Variants in SGTB observed in about 807,000 individuals in gnomAD.
The protein encoded by SGTB is small glutamine-rich tetratricopeptide repeat-containing protein beta.
A neutral mutation model predicts 43.9 loss-of-function variants in SGTB; 19 were observed. The observed-to-expected ratio is 0.43, with a 90% CI of 0.30 to 0.63. The LOEUF is 0.63. SGTB is among the 30% of genes least tolerant of loss of function. The probability of loss-of-function intolerance (pLI) is 0.12; values close to 1 mark genes in which losing one functional copy is unlikely to be tolerated. For missense variants in SGTB, 304 were observed against 358.9 expected, an observed-to-expected ratio of 0.85 and a Z score of 1.24; for synonymous variants, 116 against 117.3, an observed-to-expected ratio of 0.99 and a Z score of 0.07.
chr5:65,709,915 T>C (rs925677513), intron 3 of SGTB, among the ~76,000 whole-genome samples: 1 of 152,230 alleles, frequency 6.6e-6, no homozygotes, highest in Non-Finnish European at 1.5e-5. Flanking sequence ...TACTGTAGTA[T>C]ATATCCATCA....
chr5:65,689,839 C>A (rs1057452591), intron 5 of SGTB, among the ~76,000 whole-genome samples: 1 of 151,990 alleles, frequency 6.6e-6, no homozygotes, highest in Non-Finnish European at 1.5e-5. Context: ...GAGGCCCTTA[C>A]TTTTCAGACT....
In SGTB at chr5:65,669,902, A is replaced by G. The variant is rs1206876243; in HGVS notation, c.*344T>C. On this transcript the variant is annotated 3_prime_UTR_variant, in exon 11 of 11. Coordinates refer to ENST00000381007, the MANE Select transcript of SGTB (RefSeq NM_019072.3). ...ATTGGAGCTAAAGAGCTTACCAACA[A>G]ATAGCCCTACTAGAGTTCAATAAAT... The G allele has an allele frequency of 5.9e-6, 1 of 170,078 alleles. No individual in the cohort carries two copies. Among genetic ancestry groups the G allele is most frequent in the East Asian group, 1.6e-4 (1 of 6,350 alleles). 10.5% of individuals were successfully genotyped at this position (170,078 alleles called of 1,614,324 possible). A position where few individuals can be genotyped will look rare whatever the true frequency, so the allele number is the denominator to read the frequency against.
intron 4 of SGTB, among the ~76,000 whole-genome samples, chr5:65,707,355 A>G (rs954061015): frequency 1.1e-4 from 17 of 149,788 alleles, no homozygotes; most frequent in African/African-American, 3.9e-4. Flanking sequence ...GAACAGTATA[A>G]TTGTTTCATA....
chr5:65,714,764 G>C (rs1049840558), intron 2 of SGTB, among the ~76,000 whole-genome samples: 1 of 152,156 alleles, frequency 6.6e-6, no homozygotes, highest in African/African-American at 2.4e-5. Context: ...GCAGTGAGCC[G>C]AGATCACCCC....
intron 8 of SGTB, among the ~76,000 whole-genome samples, chr5:65,673,595 A>G (rs1394411072): frequency 6.6e-6 from 1 of 152,064 alleles, no homozygotes; most frequent in Non-Finnish European, 1.5e-5. Context: ...TGGTCCATGG[A>G]AAAACTGTCT....
chr5:65,707,036 G>A (rs960410029), intron 4 of SGTB, among the ~76,000 whole-genome samples: 14 of 151,696 alleles, frequency 9.2e-5, no homozygotes, highest in African/African-American at 3.4e-4. Flanking sequence ...TGAGGTGGGC[G>A]GATCACATGA....
At chr5:65,685,802 T>C (rs1757486054) in intron 5 of SGTB, among the ~76,000 whole-genome samples, 1 of 152,216 alleles carries the variant, frequency 6.6e-6, no homozygotes, top group Non-Finnish European at 1.5e-5. Context: ...TCTTGGCTAC[T>C]ATGGAGGCAC....
At chr5:65,709,779 T>G (rs746177700) in intron 3 of SGTB, among the ~76,000 whole-genome samples, 2 of 152,164 alleles carry the variant, frequency 1.3e-5, no homozygotes, top group Non-Finnish European at 2.9e-5. Flanking sequence ...TTTTTTATAT[T>G]GTATAGAGAC....
chr5:65,715,145 T>A (rs955238691), intron 2 of SGTB, among the ~76,000 whole-genome samples: 5 of 152,216 alleles, frequency 3.3e-5, no homozygotes, highest in Admixed American at 1.3e-4. Flanking sequence ...TAATTTAACT[T>A]ACATTTACCT....
intron 3 of SGTB, among the ~76,000 whole-genome samples, chr5:65,711,866 C>G (rs1020065159): frequency 2.0e-5 from 3 of 152,158 alleles, no homozygotes; most frequent in South Asian, 2.1e-4. Context: ...TATGTTTCAG[C>G]TTCACTCCAG....
At chr5:65,672,343 AT>A (rs5868414) in intron 8 of SGTB, 62 bp from the exon 9 acceptor site, 993,010 of 1,532,460 alleles carry the variant, frequency 0.65, 315,861 homozygotes, top group African/African-American at 0.7. Context: ...CTTAGCAAAG[AT>A]TTTTTTTTTA....
At chr5:65,683,451 A>G (rs1440852671) in intron 6 of SGTB, among the ~76,000 whole-genome samples, 1 of 152,198 alleles carries the variant, frequency 6.6e-6, no homozygotes, top group Non-Finnish European at 1.5e-5. Flanking sequence ...AATGAGTATC[A>G]ACTGTAGATG....
At chr5:65,722,647 C>A, upstream of SGTB, 1 of 520,564 alleles carries the variant, frequency 1.9e-6, no homozygotes. Context: ...TTGTTTGGGA[C>A]TGCCTCAGCC....
At chr5:65,670,379 G>A (rs767932887) in intron 10 of SGTB, 22 bp from the exon 11 acceptor site, 3 of 1,589,028 alleles carry the variant, frequency 1.9e-6, no homozygotes, top group Non-Finnish European at 2.6e-6. Context: ...AGGCAATGTG[G>A]TTTGAATAGG....
chr5:65,702,078 G>T (rs1757836839), intron 5 of SGTB, among the ~76,000 whole-genome samples: 1 of 152,228 alleles, frequency 6.6e-6, no homozygotes. Flanking sequence ...ACTGTAGAAA[G>T]TTCTACTGGA....
At position 65,713,011 on chromosome 5, in the gene SGTB, GGTGTGT is replaced by G; in HGVS notation, c.148_153del (p.Thr50_His51del). ...TCTGTCAAAGGCTGTGAAACTGCTAGGTGTGTATCTTCTGGGCTGATCTTAAAAACT... is the reference window on the plus strand; with the variant it reads ...TCTGTCAAAGGCTGTGAAACTGCTAGATCTTCTGGGCTGATCTTAAAAACT... On this transcript the variant is annotated inframe_deletion, in exon 3 of 11. Transcript: ENST00000381007. 1 of 1,613,828 alleles carries G rather than the reference GGTGTGT, an allele frequency of 6.2e-7. No homozygotes were observed. The highest frequency in any genetic ancestry group is 1.7e-5 in the Admixed American group (1 of 60,008).
At chr5:65,705,255 C>T (rs1402654180) in intron 4 of SGTB, among the ~76,000 whole-genome samples, 1 of 139,686 alleles carries the variant, frequency 7.2e-6, no homozygotes, top group Non-Finnish European at 1.6e-5. Flanking sequence ...CCAGCCTGGG[C>T]AATATAGTGG....
At chr5:65,690,954 G>T (rs1171608130) in intron 5 of SGTB, among the ~76,000 whole-genome samples, 2 of 152,172 alleles carry the variant, frequency 1.3e-5, no homozygotes, top group Non-Finnish European at 2.9e-5. Context: ...AAAGACAAAT[G>T]AAAAACTGCA....
intron 5 of SGTB, among the ~76,000 whole-genome samples, chr5:65,700,439 C>A (rs62368870): frequency 1.3e-5 from 2 of 152,036 alleles, no homozygotes; most frequent in Admixed American, 1.3e-4. Context: ...GAGGCCGAGG[C>A]GGGTGGATCA....
Sources: gnomAD v4.1 joint callset for allele counts (sites outside exome capture counted in the v4.1 genomes callset) on GRCh38, gnomAD v4.1.1 for gene constraint, MANE v1.5 for transcripts, NCBI Gene and HGNC (gene_info 2026-07-23, HGNC 2026-07-21) for gene names.